The following EPB41L2 variants were observed in gnomAD, a reference collection of about 807,000 sequenced individuals.
The protein encoded by EPB41L2 is erythrocyte membrane protein band 4.1 like 2, also known as band 4.1-like protein 2.
A neutral mutation model predicts 113.0 loss-of-function variants in EPB41L2; 43 were observed. The ratio of observed to expected loss-of-function variants is 0.38; its 90% CI spans 0.30 to 0.49. EPB41L2 has a LOEUF of 0.49. Ranked by LOEUF, EPB41L2 falls within the 20% of genes least tolerant of loss-of-function variation. EPB41L2 has a pLI of 0.95. For synonymous variants in EPB41L2, 442 were observed against 436.7 expected, an observed-to-expected ratio of 1.01 and a Z score of -0.15; for missense variants, 1,147 against 1,223.4, an observed-to-expected ratio of 0.94 and a Z score of 0.93.
intron 1 of EPB41L2, among the ~76,000 whole-genome samples, chr6:131,032,088 A>C (rs1030015762): frequency 2.0e-5 from 3 of 152,170 alleles, no homozygotes; most frequent in African/African-American, 4.8e-5. Flanking sequence ...AAGCTCATAA[A>C]CCAAGCTTAC....
chr6:131,051,320 T>A (rs1796482164), intron 1 of EPB41L2, among the ~76,000 whole-genome samples: 1 of 152,138 alleles, frequency 6.6e-6, no homozygotes, highest in African/African-American at 2.4e-5. Context: ...TCTTGTGGAA[T>A]TTTGTTTTTA....
At chr6:131,057,616 A>C (rs1797841066) in intron 1 of EPB41L2, among the ~76,000 whole-genome samples, 1 of 152,230 alleles carries the variant, frequency 6.6e-6, no homozygotes, top group South Asian at 2.1e-4. Flanking sequence ...CGTAAATACA[A>C]GGGCTTGGAA....
At chr6:131,062,299 G>T (rs1344387221) in intron 1 of EPB41L2, 1 of 151,850 alleles carries the variant, frequency 6.6e-6, no homozygotes, top group Non-Finnish European at 1.5e-5. Context: ...CAGCGTCTGC[G>T]CCTGGGGATG....
chr6:130,949,625 T>G (rs1335858197), intron 3 of EPB41L2, among the ~76,000 whole-genome samples: 4 of 138,830 alleles, frequency 2.9e-5, no homozygotes, highest in South Asian at 4.7e-4. Flanking sequence ...GGGAGGAGAG[T>G]GGAGGAGAGG....
At chr6:130,951,119 T>C in intron 3 of EPB41L2, among the ~76,000 whole-genome samples, 1 of 151,710 alleles carries the variant, frequency 6.6e-6, no homozygotes, top group African/African-American at 2.4e-5. Flanking sequence ...TAGCCAGGCA[T>C]GGTGGCATGC....
chr6:130,989,219 A>C (rs952860936), intron 1 of EPB41L2, among the ~76,000 whole-genome samples: 37 of 152,196 alleles, frequency 2.4e-4, no homozygotes, highest in African/African-American at 8.7e-4. Flanking sequence ...CACATGTGAT[A>C]ACTGCCTTAG....
At chr6:130,870,161 AT>A in intron 14 of EPB41L2, 35 bp from the exon 15 acceptor site, 1 of 1,567,494 alleles carries the variant, frequency 6.4e-7, no homozygotes, top group Non-Finnish European at 8.6e-7. Context: ...GAAAACAAAA[AT>A]ATATGAATAA....
intron 3 of EPB41L2, among the ~76,000 whole-genome samples, chr6:130,948,834 T>C (rs1417408191): frequency 2.6e-5 from 4 of 152,232 alleles, no homozygotes; most frequent in Non-Finnish European, 4.4e-5. Flanking sequence ...TCCACGAATA[T>C]ATAATTCTGC....
At chr6:130,998,129 T>TA (rs1783570090) in intron 1 of EPB41L2, among the ~76,000 whole-genome samples, 2 of 152,206 alleles carry the variant, frequency 1.3e-5, no homozygotes. Flanking sequence ...CTCCATTTTA[T>TA]AAGTAAGGAA....
intron 1 of EPB41L2, among the ~76,000 whole-genome samples, chr6:130,972,418 A>G (rs554073064): frequency 2.0e-5 from 3 of 152,230 alleles, no homozygotes; most frequent in South Asian, 4.1e-4. Flanking sequence ...TGGAAGCAAC[A>G]TAAATGTAAA....
chr6:130,844,329 G>A (rs1242842938), intron 19 of EPB41L2, among the ~76,000 whole-genome samples: 2 of 152,104 alleles, frequency 1.3e-5, no homozygotes, highest in African/African-American at 4.8e-5. Context: ...TTGGGAGGCT[G>A]AGGCAGGCAG....
intron 5 of EPB41L2, among the ~76,000 whole-genome samples, chr6:130,905,294 T>C (rs946821467): frequency 1.3e-5 from 2 of 152,068 alleles, no homozygotes; most frequent in African/African-American, 4.8e-5. Flanking sequence ...AGTAAAACTA[T>C]GGGGGAAAGG....
At chr6:130,921,075 T>G (rs554225837) in intron 4 of EPB41L2, among the ~76,000 whole-genome samples, 1 of 152,186 alleles carries the variant, frequency 6.6e-6, no homozygotes, top group Middle Eastern at 3.4e-3. Context: ...AGTCACAAAG[T>G]GACTGCAGAC....
chr6:131,003,390 T>A (rs1784780072), intron 1 of EPB41L2, among the ~76,000 whole-genome samples: 1 of 152,174 alleles, frequency 6.6e-6, no homozygotes, highest in African/African-American at 2.4e-5. Flanking sequence ...AATAAACATA[T>A]AAAAAGATCC....
chr6:130,843,912 G>A (rs73775308), intron 19 of EPB41L2, among the ~76,000 whole-genome samples: 3,892 of 152,268 alleles, frequency 0.026, 168 homozygotes, highest in African/African-American at 0.09. Context: ...CACCCAATGA[G>A]CAGTGGTGAA....
Position 130,986,524 on chromosome 6 carries a change from T to G in EPB41L2, c.-14-30025A>C, listed in dbSNP as rs116925222. On this transcript the variant is annotated intron_variant, in intron 1 of 19. Transcript: ENST00000337057. Reference sequence around the variant, plus strand: ...AGGAATGTAAAATGGTGTAGCAGATTCAGAAGGTTCTAGGGAAAGTGAAGA... The same window carrying G: ...AGGAATGTAAAATGGTGTAGCAGATGCAGAAGGTTCTAGGGAAAGTGAAGA... 9.2e-3 allele frequency among the ~76,000 whole-genome samples: 1,392 copies of G among 152,110 alleles called. 31 individuals are homozygous for G. Among genetic ancestry groups the G allele is most frequent in the Admixed American group, 0.038 (577 of 15,282 alleles).
chr6:131,014,510 G>C (rs1383996829), intron 1 of EPB41L2, among the ~76,000 whole-genome samples: 3 of 152,174 alleles, frequency 2.0e-5, no homozygotes, highest in African/African-American at 7.2e-5. Context: ...TGGGAGAGTT[G>C]AATGCCAAAA....
At chr6:131,020,683 A>AT (rs2128738204) in intron 1 of EPB41L2, among the ~76,000 whole-genome samples, 1 of 152,334 alleles carries the variant, frequency 6.6e-6, no homozygotes, top group Admixed American at 6.5e-5. Context: ...CAACCAAGCC[A>AT]TTACTGATGA....
chr6:131,004,413 A>G lies in EPB41L2; in HGVS notation c.-14-47914T>C, dbSNP rs117177725. On this transcript the variant is annotated intron_variant, in intron 1 of 19. Coordinates refer to ENST00000337057, the MANE Select transcript of EPB41L2 (RefSeq NM_001431.4). ...AAGTAAACACCAATATATGTTAGCT[A>G]CTGTTATCATTTTCTCTCTTCACAG... 6.4e-4 allele frequency among the ~76,000 whole-genome samples: 98 copies of G among 152,354 alleles called. 1 individual carries two copies. The highest frequency in any genetic ancestry group is 5.8e-3 in the South Asian group (28 of 4,828).
Sources: gnomAD v4.1 joint callset for allele counts (sites outside exome capture counted in the v4.1 genomes callset) on GRCh38, gnomAD v4.1.1 for gene constraint, MANE v1.5 for transcripts, NCBI Gene and HGNC (gene_info 2026-07-23, HGNC 2026-07-21) for gene names.